PLCE1: variants seen among roughly 807,000 people sequenced by gnomAD.
The protein encoded by PLCE1 is 1-phosphatidylinositol 4,5-bisphosphate phosphodiesterase epsilon-1.
Under a neutral mutation model 242.8 loss-of-function variants are expected in PLCE1, and 119 were observed. That is an observed-to-expected ratio of 0.49 (90% CI 0.42 to 0.57). The LOEUF (loss-of-function observed/expected upper bound fraction) is 0.57, where lower values mean the gene tolerates loss of function less well. Among genes scored for constraint, PLCE1 ranks in the 20% least tolerant of loss-of-function variants. The pLI is 0.00. For synonymous variants in PLCE1, 945 were observed against 1,017.4 expected (o/e 0.93, Z 1.35); for missense variants, 2,441 against 2,788.8 (o/e 0.88, Z 2.81).
Position 94,258,753 on chromosome 10 carries a change from A to T in PLCE1, c.3555-47A>T, listed in dbSNP as rs4918182. The stretch of plus-strand genomic sequence containing the variant: ...AGCAAGTCTGGTGGGACAGAATCAC[A>T]ACAGTGGCCTGCCCTTGTGCCCATG... On this transcript the variant is annotated intron_variant, in intron 11 of 32. Coordinates refer to ENST00000371380, the MANE Select transcript of PLCE1 (RefSeq NM_016341.4). The T allele has an allele frequency of 0.29, 474,845 of 1,612,110 alleles. 70,672 individuals are homozygous for T. Among genetic ancestry groups the T allele is most frequent in the Middle Eastern group, 0.34 (2,051 of 6,048 alleles).
intron 4 of PLCE1, among the ~76,000 whole-genome samples, chr10:94,187,832 T>TA (rs1278251631): frequency 3.3e-5 from 5 of 152,192 alleles, no homozygotes; most frequent in African/African-American, 1.2e-4. Flanking sequence ...CTTTGAAAGT[T>TA]AGACAGACAC....
intron 2 of PLCE1, among the ~76,000 whole-genome samples, chr10:94,048,165 G>A (rs1406516299): frequency 2.0e-5 from 3 of 152,046 alleles, no homozygotes; most frequent in African/African-American, 7.2e-5. Context: ...CTTTACTGGT[G>A]CATTCTCCAG....
intron 2 of PLCE1, among the ~76,000 whole-genome samples, chr10:94,129,791 A>C (rs555599700): frequency 6.6e-6 from 1 of 152,350 alleles, no homozygotes; most frequent in African/African-American, 2.4e-5. Flanking sequence ...AAACAAAAAA[A>C]AGCATCAAGG....
At chr10:94,165,588 C>T (rs2047772415) in intron 3 of PLCE1, among the ~76,000 whole-genome samples, 1 of 151,562 alleles carries the variant, frequency 6.6e-6, no homozygotes, top group Non-Finnish European at 1.5e-5. Flanking sequence ...AAGTAACTTA[C>T]AAAAAAACAG....
Position 94,173,315 on chromosome 10 carries a change from C to T in PLCE1, c.1809+1819C>T, listed in dbSNP as rs151052524. Among the ~76,000 whole-genome samples the T allele has an allele frequency of 2.4e-4, 36 of 152,236 alleles. No homozygotes were observed. In the East Asian group the frequency reaches 6.6e-3, roughly 28 times the overall value. ...ACCCCCAAACTGAGTAAGACAGAATCTCTGGGAGTCCACATGAGAGCTTGC... is the reference window on the plus strand; with the variant it reads ...ACCCCCAAACTGAGTAAGACAGAATTTCTGGGAGTCCACATGAGAGCTTGC... On this transcript the variant is annotated intron_variant, in intron 4 of 32. Coordinates refer to ENST00000371380, the MANE Select transcript of PLCE1 (RefSeq NM_016341.4).
intron 2 of PLCE1, among the ~76,000 whole-genome samples, chr10:94,044,388 T>G (rs2061837077): frequency 1.3e-5 from 2 of 152,206 alleles, no homozygotes; most frequent in African/African-American, 2.4e-5. Flanking sequence ...AATGGTGGTT[T>G]GGGTCCATAT....
At chr10:94,218,281 T>A (rs2137035069) in intron 4 of PLCE1, among the ~76,000 whole-genome samples, 1 of 152,286 alleles carries the variant, frequency 6.6e-6, no homozygotes, top group East Asian at 1.9e-4. Flanking sequence ...CATTGTTAGT[T>A]TTAAAAATAT....
chr10:94,060,486 T>C (rs1190247580), intron 2 of PLCE1, among the ~76,000 whole-genome samples: 1 of 152,164 alleles, frequency 6.6e-6, no homozygotes, highest in Non-Finnish European at 1.5e-5. Flanking sequence ...TGTCTGTTTC[T>C]TAGTTTTGTG....
At chr10:94,131,828 G>C (rs1407874748) in intron 2 of PLCE1, among the ~76,000 whole-genome samples, 1 of 152,228 alleles carries the variant, frequency 6.6e-6, no homozygotes, top group African/African-American at 2.4e-5. Context: ...GTAATGTCCA[G>C]GAAAACCAGA....
chr10:94,038,658 A>G (rs2061711247), intron 2 of PLCE1, among the ~76,000 whole-genome samples: 1 of 152,214 alleles, frequency 6.6e-6, no homozygotes, highest in South Asian at 2.1e-4. Context: ...ACACAATAGC[A>G]GATTTCCTTG....
At chr10:94,276,518 A>C (rs1271210373) in intron 19 of PLCE1, among the ~76,000 whole-genome samples, 3 of 152,228 alleles carry the variant, frequency 2.0e-5, no homozygotes, top group African/African-American at 7.2e-5. Flanking sequence ...GTTTATATAA[A>C]AATAATTCCT....
intron 7 of PLCE1, among the ~76,000 whole-genome samples, chr10:94,241,916 C>T (rs2137435475): frequency 6.6e-6 from 1 of 152,082 alleles, no homozygotes; most frequent in South Asian, 2.1e-4. Flanking sequence ...GTGTACTTTA[C>T]CAAGACAGGC....
chr10:94,233,464 C>G (rs2050210706), intron 5 of PLCE1, among the ~76,000 whole-genome samples: 1 of 152,230 alleles, frequency 6.6e-6, no homozygotes, highest in South Asian at 2.1e-4. Flanking sequence ...CTACTTTCCC[C>G]TTTTGGCCAT....
chr10:94,182,767 G>A (rs766304911), intron 4 of PLCE1, among the ~76,000 whole-genome samples: 3 of 152,106 alleles, frequency 2.0e-5, no homozygotes, highest in Non-Finnish European at 4.4e-5. Context: ...CTCACATTGT[G>A]TCTCTAGAAT....
At position 94,031,517 on chromosome 10, in the gene PLCE1, C is replaced by G. The variant is rs754506421; in HGVS notation, c.471C>G (p.Asp157Glu). The change falls in exon 2 of 33, where the codon GAC (aspartate) becomes GAG (glutamate). Residue 157 changes from aspartate (D) to glutamate (E), a missense_variant. Coordinates refer to ENST00000371380, the MANE Select transcript of PLCE1 (RefSeq NM_016341.4). Reference protein sequence around the residue: ...KVFPGIQLELDRPSMGISPLG... With the variant: ...KVFPGIQLELERPSMGISPLG... ...TCCCTGGAATTCAACTGGAACTAGA[C>G]AGACCTTCCATGGGCATTAGTCCTT... 2 of 1,612,662 alleles carry G rather than the reference C, an allele frequency of 1.2e-6. No homozygotes were observed. Among genetic ancestry groups the G allele is most frequent in the Non-Finnish European group, 1.7e-6 (2 of 1,179,832 alleles).
At chr10:94,264,722 A>C (rs2133052363) in intron 14 of PLCE1, among the ~76,000 whole-genome samples, 1 of 151,986 alleles carries the variant, frequency 6.6e-6, no homozygotes, top group South Asian at 2.1e-4. Flanking sequence ...GGGTTTCACC[A>C]TGTTGGCCAG....
At chr10:94,006,588 C>G (rs374875457) in intron 1 of PLCE1, among the ~76,000 whole-genome samples, 148 of 152,298 alleles carry the variant, frequency 9.7e-4, no homozygotes, top group African/African-American at 3.4e-3. Flanking sequence ...GAGATGGTGT[C>G]AAAAACATCC....
chr10:94,306,490 G>C lies in PLCE1; in HGVS notation c.5686G>C (p.Val1896Leu). ...GGGAAGCCCGTGCATTGAAGTCGAC[G>C]TCCTGGGCATGCCTCTGGACAGCTG... ...SMGSPCIEVD[V>L]LGMPLDSCHF... The change falls in exon 26 of 33, where the codon GTC becomes CTC. Residue 1896 changes from valine to leucine, a missense_variant. Transcript: ENST00000371380. This position sits in a 1 kb window ranked among gnomAD's most constrained non-coding sequence, Gnocchi z 5.7. The C allele has an allele frequency of 6.2e-7, 1 of 1,614,100 alleles. No homozygotes were observed. The highest frequency in any genetic ancestry group is 8.5e-7 in the Non-Finnish European group (1 of 1,180,004).
chr10:94,041,837 CA>C (rs2061774333), intron 2 of PLCE1, among the ~76,000 whole-genome samples: 1 of 152,190 alleles, frequency 6.6e-6, no homozygotes, highest in Non-Finnish European at 1.5e-5. Context: ...AACCATTTGA[CA>C]CCAATACTTT....
Sources: allele counts gnomAD v4.1 joint callset (sites outside exome capture counted in the v4.1 genomes callset), GRCh38; gene constraint gnomAD v4.1.1; non-coding constraint Gnocchi (gnomAD v3.1); transcripts MANE v1.5; gene names NCBI Gene and HGNC (gene_info 2026-07-23, HGNC 2026-07-21).